CDH8: variants seen among roughly 807,000 people sequenced by gnomAD.
CDH8 encodes the protein cadherin-8.
A neutral mutation model predicts 68.1 loss-of-function variants in CDH8; 17 were observed. That is an observed-to-expected ratio of 0.25 (90% CI 0.17 to 0.37). The LOEUF is 0.37. CDH8 is among the 10% of genes least tolerant of loss of function. CDH8 has a pLI of 1.00. For missense variants in CDH8, 763 were observed against 999.3 expected (o/e 0.76, Z 3.19); for synonymous variants, 372 against 365.1 (o/e 1.02, Z -0.21).
At position 61,653,311 on chromosome 16, in the gene CDH8, T is replaced by A; in HGVS notation, c.*297A>T. ...TTTTCCTCTATTTAAACCATTTATC[T>A]AAGGATTAGCCAGGATCCCAATCTT... On this transcript the variant is annotated 3_prime_UTR_variant, in exon 12 of 12. Transcript: ENST00000577390. The A allele has an allele frequency of 8.3e-7, 1 of 1,198,420 alleles. No homozygotes were observed. The highest frequency in any genetic ancestry group is 1.6e-5 in the African/African-American group (1 of 63,672). The allele number at this position is 1,198,420 out of a possible 1,614,324, so 74.2% of individuals were successfully genotyped here. A position where few individuals can be genotyped will look rare whatever the true frequency, so the allele number is the denominator to read the frequency against.
chr16:61,874,083 T>C (rs1963418400), intron 3 of CDH8, among the ~76,000 whole-genome samples: 1 of 151,996 alleles, frequency 6.6e-6, no homozygotes, highest in Non-Finnish European at 1.5e-5. Context: ...CAAAACTCTA[T>C]GATGTCCTGT....
chr16:61,894,356 G>A (rs143799080), intron 3 of CDH8, among the ~76,000 whole-genome samples: 2 of 152,282 alleles, frequency 1.3e-5, no homozygotes, highest in African/African-American at 4.8e-5. Flanking sequence ...TTACGTTAGT[G>A]TGGTTCTAGA....
At chr16:62,002,646 ACTT>A in intron 2 of CDH8, among the ~76,000 whole-genome samples, 1 of 152,232 alleles carries the variant, frequency 6.6e-6, no homozygotes, top group East Asian at 1.9e-4. Context: ...CTAGAAATAA[ACTT>A]CTTTTTGTAA....
chr16:61,842,453 C>A (rs1962707744), intron 4 of CDH8, among the ~76,000 whole-genome samples: 7 of 152,134 alleles, frequency 4.6e-5, no homozygotes, highest in Admixed American at 4.6e-4. Flanking sequence ...TATGCAGCAA[C>A]AAGGCCCTCA....
rs930902063 is a variant in CDH8, at chr16:61,720,183, A to G, written c.1537-6225T>C. 5.3e-5 allele frequency among the ~76,000 whole-genome samples: 8 copies of G among 151,094 alleles called. No individual in the cohort carries two copies. In the East Asian group the frequency reaches 1.6e-3, roughly 30 times the overall value. ...TGTATCTACATAGCTTAATGGTTAC[A>G]GCCATGTTACCATTAGCTTCTCTGT... On this transcript the variant is annotated intron_variant, in intron 9 of 11. Transcript: ENST00000577390.
chr16:61,651,739 T>C lies in CDH8; in HGVS notation c.*1869A>G, dbSNP rs140347655. 0.023 allele frequency: 3,558 copies of C among 152,384 alleles called. 61 individuals are homozygous for C. Among genetic ancestry groups the C allele is most frequent in the Middle Eastern group, 0.051 (15 of 296 alleles). The allele number at this position is 152,384 out of a possible 1,614,324, so 9.4% of individuals were successfully genotyped here. On this transcript the variant is annotated 3_prime_UTR_variant, in exon 12 of 12. Transcript: ENST00000577390. ...GGTCTGCAAACTTGTCTGAAGGTTT[T>C]CCCTGCCCAATGCGTCTGCTTCCAG...
At chr16:61,941,403 C>A (rs768512707) in intron 2 of CDH8, among the ~76,000 whole-genome samples, 9 of 152,172 alleles carry the variant, frequency 5.9e-5, no homozygotes, top group Admixed American at 2.6e-4. Context: ...GAAATACTCT[C>A]TTTTTCTTGA....
At chr16:61,951,536 C>T (rs1008559000) in intron 2 of CDH8, among the ~76,000 whole-genome samples, 18 of 149,542 alleles carry the variant, frequency 1.2e-4, no homozygotes, top group Non-Finnish European at 2.5e-4. Flanking sequence ...AAAAAGATGC[C>T]ATATGATCTT....
At chr16:61,761,960 C>T (rs1441990369) in intron 8 of CDH8, among the ~76,000 whole-genome samples, 1 of 152,072 alleles carries the variant, frequency 6.6e-6, no homozygotes, top group Non-Finnish European at 1.5e-5. Context: ...GAGATTGAGC[C>T]ACTGCACTTC....
intron 10 of CDH8, among the ~76,000 whole-genome samples, chr16:61,674,250 C>T (rs1028201383): frequency 2.0e-5 from 3 of 151,896 alleles, no homozygotes; most frequent in Non-Finnish European, 4.4e-5. Context: ...TTCAGGAGTT[C>T]GAGACCAGCC....
At chr16:61,989,953 CACA>C (rs1965688754) in intron 2 of CDH8, among the ~76,000 whole-genome samples, 1 of 152,064 alleles carries the variant, frequency 6.6e-6, no homozygotes, top group Non-Finnish European at 1.5e-5. Context: ...AAGTAAATAT[CACA>C]TGCTGATTGG....
Position 61,857,011 on chromosome 16 carries a change from G to T in CDH8, c.667+108C>A. ...TGTCGCATATTCAAATATTATTGAT[G>T]CAGGCAGTGAAGTACTTACACATAA... On this transcript the variant is annotated intron_variant, in intron 4 of 11. Transcript: ENST00000577390. 4.8e-6 allele frequency: 6 copies of T among 1,248,690 alleles called. No individual in the cohort carries two copies. The South Asian group carries it at 7.4e-5, about 15-fold the overall frequency. The allele number at this position is 1,248,690 out of a possible 1,614,324, so 77.4% of individuals were successfully genotyped here. A position where few individuals can be genotyped will look rare whatever the true frequency, so the allele number is the denominator to read the frequency against.
chr16:61,901,207 A>G lies in CDH8; in HGVS notation c.519T>C (p.His173=), dbSNP rs767158035. 19 of 1,613,846 alleles carry G rather than the reference A, an allele frequency of 1.2e-5. No homozygotes were observed. The African/African-American group carries it at 1.6e-4, about 14-fold the overall frequency. ...AAATGGACATTTCTGGCACAGTAGC[A>G]TGATAGGGTCCATTAAGAAACTCTG... is the stretch of plus-strand genomic sequence containing the variant. ...NAPEFLNGPY[H]ATVPEMSILG... The change falls in exon 3 of 12, where the codon CAT becomes CAC. Residue 173 remains histidine (H), a synonymous_variant. Coordinates refer to ENST00000577390, the MANE Select transcript of CDH8 (RefSeq NM_001796.5).
At chr16:61,742,730 G>A (rs986837612) in intron 8 of CDH8, among the ~76,000 whole-genome samples, 1 of 152,114 alleles carries the variant, frequency 6.6e-6, no homozygotes, top group African/African-American at 2.4e-5. Flanking sequence ...TGTTACCTAA[G>A]ATTTGTATAT....
chr16:62,026,979 G>A (rs1164565753), intron 1 of CDH8, among the ~76,000 whole-genome samples: 1 of 152,204 alleles, frequency 6.6e-6, no homozygotes, highest in Non-Finnish European at 1.5e-5. Flanking sequence ...TTGATGCAAG[G>A]AAGAAGAAAT....
intron 2 of CDH8, among the ~76,000 whole-genome samples, chr16:61,919,944 T>C (rs1360219038): frequency 1.3e-5 from 2 of 151,972 alleles, no homozygotes; most frequent in African/African-American, 4.8e-5. Flanking sequence ...TCAGAAATAA[T>C]GCCGCATATC....
intron 8 of CDH8, among the ~76,000 whole-genome samples, chr16:61,778,250 C>T (rs1818453618): frequency 6.6e-6 from 1 of 152,122 alleles, no homozygotes; most frequent in Non-Finnish European, 1.5e-5. Flanking sequence ...GGTGCTCTCG[C>T]TCTATGTCAT....
Position 61,693,577 on chromosome 16 carries a change from C to T in CDH8, c.1654+20264G>A, listed in dbSNP as rs1308831963. 5 of 152,064 alleles carry T rather than the reference C, an allele frequency of 3.3e-5. No individual in the cohort carries two copies. The East Asian group carries it at 9.7e-4, about 29-fold the overall frequency. 9.4% of individuals were successfully genotyped at this position (152,064 alleles called of 1,614,324 possible). The stretch of plus-strand genomic sequence containing the variant: ...AAGATGGCACCTCATAGAGGTATTG[C>T]ATAGTGTACTCCCATAAAGGGATAG... On this transcript the variant is annotated intron_variant, in intron 10 of 11. Coordinates refer to ENST00000577390, the MANE Select transcript of CDH8 (RefSeq NM_001796.5).
At chr16:61,933,860 A>C (rs1964585698) in intron 2 of CDH8, among the ~76,000 whole-genome samples, 1 of 152,196 alleles carries the variant, frequency 6.6e-6, no homozygotes, top group South Asian at 2.1e-4. Context: ...AGAGATACAT[A>C]TGTTAATTTT....
Sources: gnomAD v4.1 joint callset for allele counts (sites outside exome capture counted in the v4.1 genomes callset) on GRCh38, gnomAD v4.1.1 for gene constraint, MANE v1.5 for transcripts, NCBI Gene and HGNC (gene_info 2026-07-23, HGNC 2026-07-21) for gene names.